Variants in PCDHGB4 observed in about 807,000 individuals in gnomAD.
PCDHGB4 encodes protocadherin gamma subfamily B, 4, also known as protocadherin gamma-B4.
PCDHGB4 carries 38 observed loss-of-function variants against 60.5 expected under a neutral mutation model. That is an observed-to-expected ratio of 0.63 (90% confidence interval 0.48 to 0.82). The LOEUF (loss-of-function observed/expected upper bound fraction) is 0.82, where lower values mean the gene tolerates loss of function less well. Among genes scored for constraint, PCDHGB4 ranks in the 40% least tolerant of loss-of-function variants. PCDHGB4 has a pLI of 0.00. For missense variants in PCDHGB4, 1,109 were observed against 1,209.6 expected (o/e 0.92, Z 1.23); for synonymous variants, 456 against 509.7 (o/e 0.89, Z 1.42).
chr5:141,404,929 G>A (rs766845913), intron 1 of PCDHGB4: 46 of 1,613,744 alleles, frequency 2.9e-5, no homozygotes, highest in Admixed American at 2.3e-4. Flanking sequence ...CCACTGTCAC[G>A]CTCACAGTAG....
rs758266181 is a variant in PCDHGB4 at position 141,476,561 on chromosome 5, G to A, written c.2398-18246G>A. 1.9e-6 allele frequency: 3 copies of A among 1,614,100 alleles called. No homozygotes were observed. The highest frequency in any genetic ancestry group is 2.5e-6 in the Non-Finnish European group (3 of 1,180,050). Reference sequence around the variant, plus strand: ...GAAATTGGAGATTAGCGAGGCCGTGGCTCCGGGGACGCGCTTTCCGCTCGA... The same window carrying A: ...GAAATTGGAGATTAGCGAGGCCGTGACTCCGGGGACGCGCTTTCCGCTCGA... On this transcript the variant is annotated intron_variant, in intron 1 of 3. Coordinates refer to ENST00000519479, the MANE Select transcript of PCDHGB4 (RefSeq NM_003736.4). This position sits in a 1 kb window ranked among gnomAD's most constrained non-coding sequence, Gnocchi z 7.6.
At chr5:141,450,829 A>ATT (rs373424450) in intron 1 of PCDHGB4, among the ~76,000 whole-genome samples, 8,685 of 135,030 alleles carry the variant, frequency 0.064, 328 homozygotes, top group South Asian at 0.088. Context: ...TATTATTATT[A>ATT]TTTTTTTTTT....
At chr5:141,425,429 A>G in intron 1 of PCDHGB4, among the ~76,000 whole-genome samples, 1 of 152,254 alleles carries the variant, frequency 6.6e-6, no homozygotes, top group East Asian at 1.9e-4. Flanking sequence ...CCCATTAAAT[A>G]GAGGATAAAA....
intron 1 of PCDHGB4, chr5:141,394,998 G>C: frequency 2.5e-6 from 4 of 1,614,010 alleles, no homozygotes; most frequent in Non-Finnish European, 3.4e-6. Context: ...CCAGGATTCC[G>C]GTGGCAGATT....
intron 1 of PCDHGB4, chr5:141,423,975 A>T: frequency 8.9e-7 from 1 of 1,126,024 alleles, no homozygotes; most frequent in Non-Finnish European, 1.1e-6. Flanking sequence ...TTATCAGTGT[A>T]TGAGGCTCTC....
At chr5:141,445,020 C>T (rs2098454249) in intron 1 of PCDHGB4, among the ~76,000 whole-genome samples, 1 of 152,130 alleles carries the variant, frequency 6.6e-6, no homozygotes, top group Non-Finnish European at 1.5e-5. Flanking sequence ...TTTAATTTCT[C>T]TCAGCTATGT....
rs780685929 is a variant in PCDHGB4, at chr5:141,389,589, G to C, written c.1705G>C (p.Gly569Arg). ...GCTGTACCCCGCGCTGGGTCCCGAC[G>C]GCTCTGCGCTCTTCGATATGGTGCC... ...RVLYPALGPD[G>R]SALFDMVPHA... The change falls in exon 1 of 4, where the codon GGC becomes CGC. Residue 569 changes from glycine to arginine, a missense_variant. Gly to Arg is a moderately radical substitution (Grantham distance 125). Around this residue, in one of 2 missense-constraint regions of PCDHGB4, gnomAD observed 1,068 missense variants for 1,089.9 expected, o/e 0.98. Transcript: ENST00000519479. 8.1e-6 allele frequency: 13 copies of C among 1,613,168 alleles called. No individual in the cohort carries two copies. Among genetic ancestry groups the C allele is most frequent in the Non-Finnish European group, 1.1e-5 (13 of 1,179,786 alleles).
intron 1 of PCDHGB4, chr5:141,396,749 A>G (rs944470602): frequency 1.3e-5 from 2 of 152,368 alleles, no homozygotes; most frequent in African/African-American, 4.8e-5. Flanking sequence ...GTAGAAGTAG[A>G]TGACCCAATA....
chr5:141,421,342 G>A (rs199737254), intron 1 of PCDHGB4: 25 of 1,613,872 alleles, frequency 1.5e-5, no homozygotes, highest in Non-Finnish European at 1.9e-5. Context: ...GGTGCCAGAA[G>A]AGACCGAAAA....
intron 1 of PCDHGB4, among the ~76,000 whole-genome samples, chr5:141,464,265 AAAAAAAAAAAAAGC>A (rs1446781862): frequency 7.4e-6 from 1 of 135,276 alleles, no homozygotes; most frequent in Non-Finnish European, 1.6e-5. Flanking sequence ...ACTCCGTCTA[AAAAAAAAAAAAAGC>A]AAAAAAAAAA....
Position 141,431,953 on chromosome 5 carries a change from C to G in PCDHGB4, c.2397+41672C>G. 1.2e-6 allele frequency: 2 copies of G among 1,614,082 alleles called. No individual in the cohort carries two copies. Among genetic ancestry groups the G allele is most frequent in the East Asian group, 4.5e-5 (2 of 44,886 alleles). ...TGCCCTTTAAATTAGAAAAATCTTA[C>G]GGAAATTACTATAGTTTAGTCACAG... On this transcript the variant is annotated intron_variant, in intron 1 of 3. Transcript: ENST00000519479. The surrounding 1 kb of genome is among the most constrained non-coding windows in gnomAD (Gnocchi z 4.8).
chr5:141,440,321 C>T (rs1048535776), intron 1 of PCDHGB4: 1 of 152,104 alleles, frequency 6.6e-6, no homozygotes, highest in African/African-American at 2.4e-5. Context: ...ACAAAAATTA[C>T]TGGGCATGGT....
Position 141,490,931 on chromosome 5 carries a change from T to C in PCDHGB4, c.2398-3876T>C. 1 of 1,613,780 alleles carries C rather than the reference T, an allele frequency of 6.2e-7. No individual in the cohort carries two copies. Among genetic ancestry groups the C allele is most frequent in the East Asian group, 2.2e-5 (1 of 44,872 alleles). ...GACGAGAATGATAATGCCCCAGCTG[T>C]GCTGCACCCACGGCCAGACTGGGAA... On this transcript the variant is annotated intron_variant, in intron 1 of 3. Transcript: ENST00000519479. This position sits in a 1 kb window ranked among gnomAD's most constrained non-coding sequence, Gnocchi z 5.4.
intron 3 of PCDHGB4, among the ~76,000 whole-genome samples, chr5:141,506,402 G>A (rs1032556978): frequency 2.8e-5 from 4 of 143,790 alleles, no homozygotes; most frequent in East Asian, 2.0e-4. Flanking sequence ...GCAGAAAATC[G>A]CACCACTGCA....
chr5:141,457,959 T>C (rs1426112930), intron 1 of PCDHGB4, among the ~76,000 whole-genome samples: 3 of 152,208 alleles, frequency 2.0e-5, no homozygotes, highest in Admixed American at 2.0e-4. Flanking sequence ...CAAGCTTGAT[T>C]CCTTAAAGGG....
intron 1 of PCDHGB4, among the ~76,000 whole-genome samples, chr5:141,450,162 A>T (rs2098671900): frequency 6.6e-6 from 1 of 151,624 alleles, no homozygotes; most frequent in Admixed American, 6.6e-5. Flanking sequence ...ATGTGCCACC[A>T]CACTCCCACC....
At position 141,476,645 on chromosome 5, in the gene PCDHGB4, A is replaced by G. The variant is rs150444699; in HGVS notation, c.2398-18162A>G. The G allele has an allele frequency of 1.2e-4, 199 of 1,614,128 alleles. No homozygotes were observed. Among genetic ancestry groups the G allele is most frequent in the Non-Finnish European group, 1.6e-4 (194 of 1,180,060 alleles). ...TTTACAAACCTATGAGCTGAGCCGA[A>G]ATGAATACTTTGCGCTTCGCGTGCA... On this transcript the variant is annotated intron_variant, in intron 1 of 3. Transcript: ENST00000519479. The surrounding 1 kb of genome is among the most constrained non-coding windows in gnomAD (Gnocchi z 7.6).
intron 1 of PCDHGB4, among the ~76,000 whole-genome samples, chr5:141,481,105 T>C (rs1357970765): frequency 6.6e-6 from 1 of 152,188 alleles, no homozygotes; most frequent in Non-Finnish European, 1.5e-5. Flanking sequence ...CTCTGGAACC[T>C]ACCAATCCAT....
At chr5:141,496,817 T>C (rs2099771666) in intron 2 of PCDHGB4, among the ~76,000 whole-genome samples, 1 of 151,020 alleles carries the variant, frequency 6.6e-6, no homozygotes, top group Non-Finnish European at 1.5e-5. Flanking sequence ...AGTGAACAAG[T>C]AGATGTGATC....
Sources: allele counts gnomAD v4.1 joint callset (sites outside exome capture counted in the v4.1 genomes callset), GRCh38; gene constraint gnomAD v4.1.1; regional missense constraint gnomAD v4.1.1; non-coding constraint Gnocchi (gnomAD v3.1); transcripts MANE v1.5; gene names NCBI Gene and HGNC (gene_info 2026-07-23, HGNC 2026-07-21).